Variants in CDC27 observed in about 807,000 individuals in gnomAD.
The protein encoded by CDC27 is cell division cycle protein 27 homolog.
CDC27 carries 27 observed loss-of-function variants against 109.7 expected under a neutral mutation model. The ratio of observed to expected loss-of-function variants is 0.25; its 90% CI spans 0.18 to 0.34. The LOEUF is 0.34. Ranked by LOEUF, CDC27 falls within the 10% of genes least tolerant of loss-of-function variation. CDC27 has a pLI of 1.00. For missense variants in CDC27, 579 were observed against 960.2 expected (o/e 0.60, Z 5.25); for synonymous variants, 266 against 333.9 (o/e 0.80, Z 2.22).
chr17:47,158,135 C>T (rs2063375063), intron 5 of CDC27, 71 bp downstream of exon 5: 1 of 583,146 alleles, frequency 1.7e-6, no homozygotes. Flanking sequence ...TATTGCTCTC[C>T]AAAAATTAAG....
intron 16 of CDC27, among the ~76,000 whole-genome samples, chr17:47,126,512 C>G (rs890096202): frequency 6.6e-6 from 1 of 151,938 alleles, no homozygotes; most frequent in African/African-American, 2.4e-5. Flanking sequence ...ATTAAACAAT[C>G]AAAGAAAACC....
At chr17:47,134,045 C>A (rs1157233938) in intron 14 of CDC27, among the ~76,000 whole-genome samples, 3 of 152,088 alleles carry the variant, frequency 2.0e-5, no homozygotes, top group Non-Finnish European at 4.4e-5. Flanking sequence ...GCTACCACCC[C>A]CAGCCTTCTT....
At chr17:47,154,604 C>A in intron 8 of CDC27, 68 bp downstream of exon 8, 2 of 815,742 alleles carry the variant, frequency 2.5e-6, no homozygotes, top group Non-Finnish European at 4.0e-6. Flanking sequence ...CCTGAGATTA[C>A]CTTTAAAAGA....
chr17:47,126,292 TC>T (rs2062137248), intron 16 of CDC27, among the ~76,000 whole-genome samples: 1 of 152,190 alleles, frequency 6.6e-6, no homozygotes, highest in Non-Finnish European at 1.5e-5. Context: ...TATGCCCTTT[TC>T]ATACAGTCAC....
At chr17:47,168,104 C>G (rs912402788) in intron 4 of CDC27, among the ~76,000 whole-genome samples, 1 of 152,094 alleles carries the variant, frequency 6.6e-6, no homozygotes, top group Non-Finnish European at 1.5e-5. Flanking sequence ...CTTTCTGAAC[C>G]CTGTCCTTTT....
intron 10 of CDC27, among the ~76,000 whole-genome samples, chr17:47,143,385 T>C (rs948979331): frequency 5.3e-5 from 8 of 152,202 alleles, no homozygotes; most frequent in African/African-American, 1.9e-4. Context: ...TAGTACAATA[T>C]TATCAGCTAA....
chr17:47,174,049 G>A (rs900145891), intron 2 of CDC27, among the ~76,000 whole-genome samples: 51 of 152,230 alleles, frequency 3.4e-4, no homozygotes, highest in African/African-American at 1.2e-3. Flanking sequence ...AGCCGAGATC[G>A]TGCCACCGCA....
At chr17:47,171,153 G>A (rs1379170312) in intron 3 of CDC27, 1 of 152,166 alleles carries the variant, frequency 6.6e-6, no homozygotes, top group Admixed American at 6.5e-5. Context: ...AGATTTTTAA[G>A]AATTCCACAT....
At position 47,142,044 on chromosome 17, in the gene CDC27, G is replaced by A; in HGVS notation, c.1379-19C>T. 1 of 1,542,644 alleles carries A rather than the reference G, an allele frequency of 6.5e-7. No homozygotes were observed. Among genetic ancestry groups the A allele is most frequent in the Non-Finnish European group, 8.7e-7 (1 of 1,146,100 alleles). Reference sequence around the variant, plus strand: ...AAACCTTCTAGGAGAAAACAACATAGTAAACAAAGGAAAAAACGCAATAAA... The same window carrying A: ...AAACCTTCTAGGAGAAAACAACATAATAAACAAAGGAAAAAACGCAATAAA... On this transcript the variant is annotated intron_variant, in intron 11 of 18. Transcript: ENST00000066544.
intron 14 of CDC27, among the ~76,000 whole-genome samples, chr17:47,136,627 T>C (rs62075614): frequency 7.2e-5 from 11 of 152,318 alleles, no homozygotes; most frequent in Middle Eastern, 3.4e-3. Context: ...TTCCTATGTG[T>C]CTACTTATAC....
intron 2 of CDC27, among the ~76,000 whole-genome samples, chr17:47,176,569 G>T (rs1343785279): frequency 6.6e-6 from 1 of 152,116 alleles, no homozygotes; most frequent in Admixed American, 6.6e-5. Flanking sequence ...CAATATATGA[G>T]GAGAAAAAAG....
chr17:47,187,105 T>A (rs1277348995), intron 1 of CDC27, among the ~76,000 whole-genome samples: 2 of 152,190 alleles, frequency 1.3e-5, no homozygotes, highest in African/African-American at 4.8e-5. Flanking sequence ...CCTAGTCATA[T>A]CCTAAAACTT....
intron 4 of CDC27, among the ~76,000 whole-genome samples, chr17:47,164,015 C>T (rs776570725): frequency 3.4e-4 from 52 of 152,316 alleles, no homozygotes; most frequent in Non-Finnish European, 6.2e-4. Flanking sequence ...CTGCCCGCCT[C>T]GGCCTCCCAA....
Position 47,181,568 on chromosome 17 carries a change from C to CA in CDC27, c.96dup (p.Ala33CysfsTer24), listed in dbSNP as rs1331452834. The CA allele has an allele frequency of 6.3e-7, 1 of 1,588,478 alleles. No individual in the cohort carries two copies. The highest frequency in any genetic ancestry group is 8.6e-7 in the Non-Finnish European group (1 of 1,158,032). ...CAATGAATAGATTTCAAACCTTCTG[C>CA]ATAAAGGCGTTCTGCGAGGAAAACC... On this transcript the variant is annotated frameshift_variant, in exon 2 of 19. Coordinates refer to ENST00000066544, the MANE Select transcript of CDC27 (RefSeq NM_001256.6). LOFTEE classifies it high-confidence loss of function.
intron 8 of CDC27, among the ~76,000 whole-genome samples, chr17:47,154,020 T>C (rs1404249987): frequency 6.8e-6 from 1 of 146,038 alleles, no homozygotes; most frequent in Non-Finnish European, 1.5e-5. Context: ...GCCTGGGAGG[T>C]AGAGGCTACA....
intron 9 of CDC27, among the ~76,000 whole-genome samples, chr17:47,147,292 G>A (rs1025326738): frequency 4.6e-5 from 7 of 151,448 alleles, no homozygotes; most frequent in African/African-American, 9.7e-5. Context: ...CCAGCTACAC[G>A]GGAGGCTGAG....
At chr17:47,177,018 T>A (rs571224745) in intron 2 of CDC27, among the ~76,000 whole-genome samples, 1 of 152,332 alleles carries the variant, frequency 6.6e-6, no homozygotes, top group South Asian at 2.1e-4. Context: ...CGTTTTACTC[T>A]GGTTCAGTTC....
At chr17:47,131,812 G>A (rs1042155715) in intron 15 of CDC27, among the ~76,000 whole-genome samples, 2 of 62,130 alleles carry the variant, frequency 3.2e-5, no homozygotes, top group Non-Finnish European at 6.7e-5. Flanking sequence ...AGGACCACAG[G>A]TGTGCACCAC....
intron 4 of CDC27, chr17:47,159,102 G>A (rs1163036694): frequency 3.6e-6 from 1 of 277,234 alleles, no homozygotes; most frequent in Non-Finnish European, 6.7e-6. Flanking sequence ...TGATTTAAAT[G>A]CTTTAAATAT....
Sources: allele counts gnomAD v4.1 joint callset (sites outside exome capture counted in the v4.1 genomes callset), GRCh38; gene constraint gnomAD v4.1.1; transcripts MANE v1.5; gene names NCBI Gene and HGNC (gene_info 2026-07-23, HGNC 2026-07-21).